The following LYPD6 variants were observed in gnomAD, a reference collection of about 807,000 sequenced individuals.
The protein encoded by LYPD6 is LY6/PLAUR domain containing 6.
LYPD6 carries 15 observed loss-of-function variants against 22.7 expected under a neutral mutation model. The observed-to-expected ratio is 0.66, with a 90% CI of 0.44 to 1.02. The LOEUF (loss-of-function observed/expected upper bound fraction) is 1.02. Ranked by LOEUF, LYPD6 falls within the 50% of genes least tolerant of loss-of-function variation. LYPD6 has a pLI of 0.00. For synonymous variants in LYPD6, 72 were observed against 77.5 expected (o/e 0.93, Z 0.37); for missense variants, 189 against 208.4 (o/e 0.91, Z 0.57).
chr2:149,344,468 A>C (rs1325165160), intron 1 of LYPD6, among the ~76,000 whole-genome samples: 1 of 152,336 alleles, frequency 6.6e-6, no homozygotes, highest in African/African-American at 2.4e-5. Context: ...TATTTCAGAA[A>C]AGAATAATTT....
chr2:149,456,471 T>A (rs1245714103), intron 3 of LYPD6, among the ~76,000 whole-genome samples: 1 of 152,158 alleles, frequency 6.6e-6, no homozygotes, highest in African/African-American at 2.4e-5. Flanking sequence ...TCCCCATTTT[T>A]CCCCCTACCT....
chr2:149,364,076 A>G (rs933727141), intron 1 of LYPD6, among the ~76,000 whole-genome samples: 1 of 152,160 alleles, frequency 6.6e-6, no homozygotes, highest in Non-Finnish European at 1.5e-5. Flanking sequence ...TACGACTTAT[A>G]GAAGATTTGC....
chr2:149,379,278 T>C (rs1682006150), intron 1 of LYPD6, among the ~76,000 whole-genome samples: 2 of 152,170 alleles, frequency 1.3e-5, no homozygotes, highest in African/African-American at 4.8e-5. Context: ...AGGAAGGTAG[T>C]TGAAGCAGAG....
chr2:149,415,067 G>T (rs967174096), intron 1 of LYPD6, among the ~76,000 whole-genome samples: 2 of 152,226 alleles, frequency 1.3e-5, no homozygotes, highest in African/African-American at 4.8e-5. Context: ...GCCAGAGCTG[G>T]TAGTGGGTGT....
chr2:149,379,016 ATCATC>A, intron 1 of LYPD6, among the ~76,000 whole-genome samples: 1 of 152,296 alleles, frequency 6.6e-6, no homozygotes, highest in Admixed American at 6.5e-5. Context: ...TTTTTTTCTG[ATCATC>A]TCAGGCTATT....
At chr2:149,406,914 T>G (rs1334317564) in intron 1 of LYPD6, among the ~76,000 whole-genome samples, 761 of 120,158 alleles carry the variant, frequency 6.3e-3, no homozygotes, top group African/African-American at 9.6e-3. Context: ...AGGAGCTCTT[T>G]TAGGGCAGGC....
intron 1 of LYPD6, among the ~76,000 whole-genome samples, chr2:149,414,551 C>G (rs1682921575): frequency 6.6e-6 from 1 of 152,078 alleles, no homozygotes; most frequent in African/African-American, 2.4e-5. Flanking sequence ...ATACTTTTAA[C>G]ATTTCTGTCT....
chr2:149,404,262 C>A (rs1682637410), intron 1 of LYPD6, among the ~76,000 whole-genome samples: 1 of 152,140 alleles, frequency 6.6e-6, no homozygotes, highest in Non-Finnish European at 1.5e-5. Flanking sequence ...TTTTCCAATT[C>A]TGTGAAGAAA....
chr2:149,385,730 G>A (rs1377737749), intron 1 of LYPD6, among the ~76,000 whole-genome samples: 1 of 152,196 alleles, frequency 6.6e-6, no homozygotes, highest in Non-Finnish European at 1.5e-5. Context: ...GGAGGGGAAA[G>A]GGGTTGACTT....
chr2:149,409,326 CT>C (rs1682801201), intron 1 of LYPD6, among the ~76,000 whole-genome samples: 1 of 152,166 alleles, frequency 6.6e-6, no homozygotes, highest in African/African-American at 2.4e-5. Flanking sequence ...GTGATGTGGA[CT>C]CTGAGGGTCC....
At chr2:149,349,703 A>C (rs143142796) in intron 1 of LYPD6, among the ~76,000 whole-genome samples, 1 of 152,324 alleles carries the variant, frequency 6.6e-6, no homozygotes, top group Non-Finnish European at 1.5e-5. Flanking sequence ...GTGCTGCCTT[A>C]TATTTTGTAG....
At chr2:149,394,691 A>AT (rs1682390056) in intron 1 of LYPD6, among the ~76,000 whole-genome samples, 1 of 151,848 alleles carries the variant, frequency 6.6e-6, no homozygotes, top group African/African-American at 2.4e-5. Flanking sequence ...GTATAAATAG[A>AT]TTTTCACAAA....
Position 149,384,545 on chromosome 2 carries a change from C to T in LYPD6, c.-71-53093C>T, listed in dbSNP as rs151278365. ...ATGGGCACTGGTTGGGGGAACATTCCATTTGACATGGCGCCTACCACAGAG... is the reference window on the plus strand; with the variant it reads ...ATGGGCACTGGTTGGGGGAACATTCTATTTGACATGGCGCCTACCACAGAG... On this transcript the variant is annotated intron_variant, in intron 1 of 4. Coordinates refer to ENST00000334166, the MANE Select transcript of LYPD6 (RefSeq NM_194317.5). Among the ~76,000 whole-genome samples the T allele has an allele frequency of 4.5e-3, 684 of 152,158 alleles. 6 individuals are homozygous for T. Among genetic ancestry groups the T allele is most frequent in the African/African-American group, 0.015 (642 of 41,508 alleles).
intron 2 of LYPD6, among the ~76,000 whole-genome samples, chr2:149,446,338 C>T (rs980154786): frequency 3.3e-5 from 5 of 152,076 alleles, no homozygotes; most frequent in African/African-American, 7.2e-5. Context: ...AAAATGACAC[C>T]GATAGACTTG....
At chr2:149,444,505 C>T (rs1193191606) in intron 2 of LYPD6, among the ~76,000 whole-genome samples, 3 of 152,226 alleles carry the variant, frequency 2.0e-5, no homozygotes, top group Non-Finnish European at 4.4e-5. Flanking sequence ...ATTCTACTCA[C>T]AGCAGAACTT....
Position 149,471,689 on chromosome 2 carries a change from A to G in LYPD6, c.*839A>G, listed in dbSNP as rs553061430. ...CAGGATGGAGTTGTTTTCCCCAGAT[A>G]TGGGGTTCTATTCAGCCATAGATAA... On this transcript the variant is annotated 3_prime_UTR_variant, in exon 5 of 5. Transcript: ENST00000334166. 6.6e-6 allele frequency: 1 copy of G among 152,616 alleles called. No individual in the cohort carries two copies. Among genetic ancestry groups the G allele is most frequent in the East Asian group, 1.9e-4 (1 of 5,164 alleles). The allele number at this position is 152,616 out of a possible 1,614,324, so 9.5% of individuals were successfully genotyped here. A position where few individuals can be genotyped will look rare whatever the true frequency, so the allele number is the denominator to read the frequency against.
chr2:149,462,628 TAA>T (rs1419282374), intron 3 of LYPD6, among the ~76,000 whole-genome samples: 1 of 151,838 alleles, frequency 6.6e-6, no homozygotes, highest in African/African-American at 2.4e-5. Context: ...AAAAGAAGAC[TAA>T]AGTAGAAGGA....
chr2:149,382,954 T>C (rs1410038638), intron 1 of LYPD6, among the ~76,000 whole-genome samples: 1 of 152,056 alleles, frequency 6.6e-6, no homozygotes, highest in African/African-American at 2.4e-5. Context: ...CCAAGGAAAA[T>C]GGTCAGAATA....
intron 1 of LYPD6, among the ~76,000 whole-genome samples, chr2:149,416,460 A>G (rs1682964156): frequency 2.6e-5 from 4 of 152,144 alleles, no homozygotes. Flanking sequence ...CCTGGGTAAA[A>G]ACAGCCCTGC....
Sources: gnomAD v4.1 joint callset for allele counts (sites outside exome capture counted in the v4.1 genomes callset) on GRCh38, gnomAD v4.1.1 for gene constraint, MANE v1.5 for transcripts, NCBI Gene and HGNC (gene_info 2026-07-23, HGNC 2026-07-21) for gene names.